The following PER3 variants were observed in gnomAD, a reference collection of about 807,000 sequenced individuals.
PER3 encodes the protein period circadian protein homolog 3.
Under a neutral mutation model 127.2 loss-of-function variants are expected in PER3, and 107 were observed. The ratio of observed to expected loss-of-function variants is 0.84; its 90% CI spans 0.72 to 0.99. The LOEUF (loss-of-function observed/expected upper bound fraction) is 0.99, where lower values mean the gene tolerates loss of function less well. Ranked by LOEUF, PER3 falls within the 50% of genes least tolerant of loss-of-function variation. The pLI is 0.00. For synonymous variants in PER3, 618 were observed against 585.8 expected (o/e 1.05, Z -0.79); for missense variants, 1,560 against 1,525.8 (o/e 1.02, Z -0.37).
At chr1:7,838,053 CAAAT>C (rs1319142528) in intron 21 of PER3, among the ~76,000 whole-genome samples, 1 of 149,704 alleles carries the variant, frequency 6.7e-6, no homozygotes, top group African/African-American at 2.5e-5. Flanking sequence ...TCAAAAAAGA[CAAAT>C]AATTCGTGTG....
At position 7,844,640 on chromosome 1, in the gene PER3, G is replaced by A. The variant is rs1373116924; in HGVS notation, c.*1885G>A. The A allele has an allele frequency of 6.5e-6, 1 of 152,746 alleles. No homozygotes were observed. The highest frequency in any genetic ancestry group is 1.5e-5 in the Non-Finnish European group (1 of 68,042). 9.5% of individuals were successfully genotyped at this position (152,746 alleles called of 1,614,324 possible). The stretch of plus-strand genomic sequence containing the variant: ...TGCTTATTTCTTTGCCTTAGCACAC[G>A]TTTTATGGAGTACTTGTTATACTAG... On this transcript the variant is annotated 3_prime_UTR_variant, in exon 22 of 22. Coordinates refer to ENST00000377532, the MANE Select transcript of PER3 (RefSeq NM_001377275.1).
chr1:7,831,560 G>A (rs931721410), intron 19 of PER3, among the ~76,000 whole-genome samples: 3 of 152,182 alleles, frequency 2.0e-5, no homozygotes, highest in Non-Finnish European at 4.4e-5. Flanking sequence ...TCACCATTAA[G>A]TACGATGTTA....
chr1:7,819,690 C>T (rs1181943837), intron 14 of PER3, among the ~76,000 whole-genome samples: 1 of 152,130 alleles, frequency 6.6e-6, no homozygotes, highest in East Asian at 1.9e-4. Context: ...CAAGCTTCTC[C>T]AACCCATGGC....
chr1:7,824,963 C>G (rs978309607), intron 16 of PER3, among the ~76,000 whole-genome samples: 1 of 152,104 alleles, frequency 6.6e-6, no homozygotes, highest in Non-Finnish European at 1.5e-5. Flanking sequence ...GGGCAGTCCT[C>G]GGGCTCACCT....
rs190619983 is a variant in PER3 at position 7,794,386 on chromosome 1, G to A, written c.644+378G>A. Among the ~76,000 whole-genome samples, 6 of 152,236 alleles carry A rather than the reference G, an allele frequency of 3.9e-5. No individual in the cohort carries two copies. The East Asian group carries it at 1.2e-3, about 29-fold the overall frequency. ...TGCACGCCTGTAGTCCCAGCTACTC[G>A]GGAGGCTGAGGCAGGAGAATAGCTT... On this transcript the variant is annotated intron_variant, in intron 6 of 21. Transcript: ENST00000377532.
At position 7,835,900 on chromosome 1, in the gene PER3, G is replaced by A. The variant is rs373859954; in HGVS notation, c.3353G>A (p.Arg1118Gln). 42 of 1,611,464 alleles carry A rather than the reference G, an allele frequency of 2.6e-5. No homozygotes were observed. In the South Asian group the frequency reaches 2.9e-4, roughly 11 times the overall value. The change falls in exon 20 of 22, where the codon CGG becomes CAG. Residue 1118 changes from arginine (R) to glutamine (Q), a missense_variant. Arg to Gln is a conservative substitution (Grantham distance 43, BLOSUM62 1). Around this residue, in one of 3 missense-constraint regions of PER3, gnomAD observed 199 missense variants for 198.6 expected, o/e 1.00. Transcript: ENST00000377532. ...VAEEPIWRMI[R>Q]QTPERILMTY... is the part of the protein sequence containing the mutation. ...GAAGAGCCCATCTGGAGAATGATAC[G>A]GCAGACACCTGAGCGCATTCTCATG...
At chr1:7,834,782 A>C in intron 19 of PER3, among the ~76,000 whole-genome samples, 1 of 152,108 alleles carries the variant, frequency 6.6e-6, no homozygotes, top group East Asian at 1.9e-4. Context: ...AATGAGGAAA[A>C]TTTTTTTATT....
chr1:7,797,309 GAGA>G (rs1428306413), intron 6 of PER3, among the ~76,000 whole-genome samples: 1 of 152,100 alleles, frequency 6.6e-6, no homozygotes, highest in East Asian at 1.9e-4. Flanking sequence ...TGCAGAGTGG[GAGA>G]AGATTCTGTA....
rs2097402389 is a variant in PER3 at position 7,844,135 on chromosome 1, G to A, written c.*1380G>A. The A allele has an allele frequency of 1.1e-5, 3 of 261,674 alleles. No homozygotes were observed. In the Admixed American group the frequency reaches 1.8e-4, roughly 16 times the overall value. 16.2% of individuals were successfully genotyped at this position (261,674 alleles called of 1,614,324 possible). On this transcript the variant is annotated 3_prime_UTR_variant, in exon 22 of 22. Transcript: ENST00000377532. ...CTTTTTGTAAATGCGTCCTGATAAT[G>A]ATTAGGAAAATCGACCTTTTCATCC... is the stretch of plus-strand genomic sequence containing the variant.
At position 7,784,900 on chromosome 1, in the gene PER3, G is replaced by A. The variant is rs2097077977; in HGVS notation, c.23G>A (p.Gly8Asp). Reference protein sequence around the residue: MPRGEAPGPGRRGAKDEA... With the variant: MPRGEAPDPGRRGAKDEA... ...GAGATGCCCCGCGGGGAAGCTCCTG[G>A]CCCCGGGAGACGGGGGGCTAAGGAC... Residue 8 changes from glycine (G) to aspartate (D), a missense_variant, in exon 2 of 22, where the codon GGC (glycine) becomes GAC (aspartate). This residue lies in a region of PER3 where 1,332 missense variants were observed against 1,223.6 expected (regional missense o/e 1.09). Coordinates refer to ENST00000377532, the MANE Select transcript of PER3 (RefSeq NM_001377275.1). 6.6e-7 allele frequency: 1 copy of A among 1,522,482 alleles called. No homozygotes were observed. The highest frequency in any genetic ancestry group is 1.5e-5 in the African/African-American group (1 of 68,272). 94.3% of individuals were successfully genotyped at this position (1,522,482 alleles called of 1,614,324 possible).
chr1:7,819,447 T>C (rs780032440), intron 14 of PER3, 27 bp downstream of exon 14: 230 of 1,608,008 alleles, frequency 1.4e-4, no homozygotes, highest in Non-Finnish European at 1.8e-4. Flanking sequence ...TTGGATACCA[T>C]GTAAGTCTGT....
chr1:7,824,632 T>G (rs74887088), intron 16 of PER3, among the ~76,000 whole-genome samples: 1 of 152,194 alleles, frequency 6.6e-6, no homozygotes, highest in South Asian at 2.1e-4. Context: ...CCTATAAATA[T>G]TCTTGATCTT....
At chr1:7,825,993 C>A (rs1416495375) in intron 16 of PER3, among the ~76,000 whole-genome samples, 1 of 152,080 alleles carries the variant, frequency 6.6e-6, no homozygotes, top group Admixed American at 6.6e-5. Flanking sequence ...TCGCTTGAAC[C>A]TGGGAGGCGG....
chr1:7,821,910 G>C (rs773723762), intron 16 of PER3, among the ~76,000 whole-genome samples: 1 of 152,204 alleles, frequency 6.6e-6, no homozygotes, highest in African/African-American at 2.4e-5. Context: ...GTCTAAGGAC[G>C]ATGGTCACAA....
At position 7,843,001 on chromosome 1, in the gene PER3, A is replaced by T; in HGVS notation, c.*246A>T. On this transcript the variant is annotated 3_prime_UTR_variant, in exon 22 of 22. Coordinates refer to ENST00000377532, the MANE Select transcript of PER3 (RefSeq NM_001377275.1). ...TGTAGTTGAATTGTCTTCTAAAGAG[A>T]TTGGATGGCCTCTAAAGAGGTATGT... The T allele has an allele frequency of 3.7e-6, 1 of 270,760 alleles. No individual in the cohort carries two copies. 16.8% of individuals were successfully genotyped at this position (270,760 alleles called of 1,614,324 possible). A position where few individuals can be genotyped will look rare whatever the true frequency, so the allele number is the denominator to read the frequency against.
intron 13 of PER3, among the ~76,000 whole-genome samples, chr1:7,816,636 C>T (rs987782181): frequency 1.1e-4 from 17 of 149,256 alleles, no homozygotes; most frequent in African/African-American, 4.1e-4. Context: ...TAACACCACA[C>T]ATCTGTGAGA....
chr1:7,810,607 C>T lies in PER3; in HGVS notation c.1522+19C>T. On this transcript the variant is annotated intron_variant, in intron 13 of 21. Transcript: ENST00000377532. ...GGTGGTGGTGAGTCAGCCGGCAGCC[C>T]CAAGGATCTCCTTCCATGGGCTGTC... 6.3e-7 allele frequency: 1 copy of T among 1,596,436 alleles called. No individual in the cohort carries two copies. The highest frequency in any genetic ancestry group is 8.5e-7 in the Non-Finnish European group (1 of 1,172,936).
At chr1:7,828,115 T>G (rs746921956) in intron 18 of PER3, among the ~76,000 whole-genome samples, 1 of 152,214 alleles carries the variant, frequency 6.6e-6, no homozygotes, top group Non-Finnish European at 1.5e-5. Flanking sequence ...TAAAATTCGT[T>G]ACAGGTATTA....
At chr1:7,834,408 C>T (rs2097347816) in intron 19 of PER3, among the ~76,000 whole-genome samples, 2 of 151,998 alleles carry the variant, frequency 1.3e-5, no homozygotes, top group Non-Finnish European at 2.9e-5. Flanking sequence ...ATTATTTTTG[C>T]TTTAAACAGT....
Sources: gnomAD v4.1 joint callset for allele counts (sites outside exome capture counted in the v4.1 genomes callset) on GRCh38, gnomAD v4.1.1 for gene constraint, gnomAD v4.1.1 regional missense constraint, MANE v1.5 for transcripts, NCBI Gene and HGNC (gene_info 2026-07-23, HGNC 2026-07-21) for gene names.